Variants in USH1C observed in about 807,000 individuals in gnomAD.
USH1C encodes USH1 protein network component harmonin, also known as harmonin.
A neutral mutation model predicts 119.3 loss-of-function variants in USH1C; 90 were observed. The observed-to-expected ratio is 0.75, with a 90% CI of 0.64 to 0.90. The LOEUF is 0.90. Ranked by LOEUF, USH1C falls within the 40% of genes least tolerant of loss-of-function variation. The pLI, the probability that USH1C is intolerant of heterozygous loss-of-function variation, is 0.00. For missense variants in USH1C, 1,165 were observed against 1,167.7 expected, an observed-to-expected ratio of 1.00 and a Z score of 0.03; for synonymous variants, 465 against 443.3, an observed-to-expected ratio of 1.05 and a Z score of -0.62.
intron 9 of USH1C, 71 bp from the exon 10 acceptor site, chr11:17,523,549 C>A: frequency 1.4e-6 from 2 of 1,464,890 alleles, no homozygotes; most frequent in East Asian, 4.6e-5. Context: ...AGGACAGGCT[C>A]CCCCAGGGGC....
At chr11:17,523,044 C>T (rs571997469) in intron 11 of USH1C, 118 bp from the exon 12 acceptor site, 6 of 1,584,144 alleles carry the variant, frequency 3.8e-6, no homozygotes, top group Middle Eastern at 1.7e-4. Flanking sequence ...CTGCGGCTCC[C>T]GCAATCCCTG....
At chr11:17,509,966 ACC>A in intron 17 of USH1C, 128 bp from the exon 18 acceptor site, 1 of 1,183,132 alleles carries the variant, frequency 8.5e-7, no homozygotes, top group East Asian at 2.5e-5. Flanking sequence ...TTACATCAGA[ACC>A]ATGGGGCGCC....
At chr11:17,516,125 A>C in intron 15 of USH1C, 116 bp downstream of exon 15, 1 of 1,181,938 alleles carries the variant, frequency 8.5e-7, no homozygotes, top group Non-Finnish European at 1.2e-6. Context: ...TTAGCCTTCC[A>C]AGTGAACAGG....
In USH1C at chr11:17,512,032, G is replaced by A; in HGVS notation, c.1283C>T (p.Ala428Val). The A allele has an allele frequency of 6.2e-7, 1 of 1,614,122 alleles. No homozygotes were observed. Among genetic ancestry groups the A allele is most frequent in the Non-Finnish European group, 8.5e-7 (1 of 1,180,006 alleles). Residue 428 changes from alanine (A) to valine (V), a missense_variant, in exon 16 of 27, where the codon GCC becomes GTC. Transcript: ENST00000005226. ...CAAGTCCTGCAGGCTGCCATACTTG[G>A]CTTTCTTCTTATCTTTTCCTTTCTG... is the stretch of plus-strand genomic sequence containing the variant. Reference protein sequence around the residue: ...IRKKGKDKKKAKYGSLQDLRK... With the variant: ...IRKKGKDKKKVKYGSLQDLRK...
At chr11:17,522,973 G>A in intron 11 of USH1C, 47 bp from the exon 12 acceptor site, 1 of 1,599,008 alleles carries the variant, frequency 6.3e-7, no homozygotes, top group African/African-American at 1.3e-5. Flanking sequence ...GGGAACCTGG[G>A]GATCCCCTGA....
intron 1 of USH1C, among the ~76,000 whole-genome samples, chr11:17,534,806 G>A (rs886191340): frequency 3.3e-5 from 5 of 151,686 alleles, no homozygotes; most frequent in Admixed American, 3.3e-4. Flanking sequence ...CTCGGGAGGC[G>A]GAGGTTGCAG....
intron 25 of USH1C, 58 bp from the exon 26 acceptor site, chr11:17,495,735 G>C: frequency 1.3e-6 from 2 of 1,557,824 alleles, no homozygotes; most frequent in South Asian, 1.1e-5. Flanking sequence ...CCCAGGCAGA[G>C]CTCCATGGGG....
intron 1 of USH1C, among the ~76,000 whole-genome samples, chr11:17,539,115 C>T (rs183032604): frequency 1.4e-4 from 21 of 152,248 alleles, no homozygotes; most frequent in Admixed American, 3.3e-4. Context: ...GTGGACTCCT[C>T]CTCTATCTTT....
intron 23 of USH1C, among the ~76,000 whole-genome samples, chr11:17,498,578 G>A (rs1478668582): frequency 1.3e-5 from 2 of 152,192 alleles, no homozygotes; most frequent in East Asian, 1.9e-4. Context: ...TATGAGGCCT[G>A]AGTCAATTCT....
intron 14 of USH1C, among the ~76,000 whole-genome samples, chr11:17,519,099 G>C (rs3858490): frequency 0.2 from 30,991 of 152,044 alleles, 4,222 homozygotes; most frequent in African/African-American, 0.39. Flanking sequence ...CAAACTGGGT[G>C]CTGAGTTGAA....
In USH1C at chr11:17,526,780, A is replaced by C; in HGVS notation, c.552T>G (p.Tyr184Ter). 1 of 1,614,140 alleles carries C rather than the reference A, an allele frequency of 6.2e-7. No homozygotes were observed. Among genetic ancestry groups the C allele is most frequent in the Non-Finnish European group, 8.5e-7 (1 of 1,180,006 alleles). ...CAGATTCCGACACAAACTGATCCAC[A>C]TACTGCCAAGTGAGGGGCTCATCAG... ...SSPDEPLTWQ[Y>*]VDQFVSESGG... Residue 184 changes from tyrosine to a stop codon, truncating the protein, a stop_gained, in exon 7 of 27, where the codon TAT becomes TAG. Transcript: ENST00000005226. LOFTEE classifies it high-confidence loss of function.
At chr11:17,495,931 G>A (rs1382309466) in intron 25 of USH1C, among the ~76,000 whole-genome samples, 1 of 152,108 alleles carries the variant, frequency 6.6e-6, no homozygotes. Context: ...AGTGGTGGGT[G>A]GGTGAGGGCT....
At chr11:17,520,747 C>T (rs1307295193) in intron 14 of USH1C, 123 bp downstream of exon 14, 3 of 1,218,336 alleles carry the variant, frequency 2.5e-6, no homozygotes, top group Non-Finnish European at 3.6e-6. Context: ...AGCTGCCCCT[C>T]CATGAAGGAA....
At chr11:17,534,313 A>C (rs983041552) in intron 1 of USH1C, among the ~76,000 whole-genome samples, 5 of 152,240 alleles carry the variant, frequency 3.3e-5, no homozygotes, top group African/African-American at 1.2e-4. Flanking sequence ...GGGTTCTGGA[A>C]GACCGGGGCA....
chr11:17,495,356 C>T (rs1849207911), intron 26 of USH1C, among the ~76,000 whole-genome samples: 1 of 152,232 alleles, frequency 6.6e-6, no homozygotes, highest in African/African-American at 2.4e-5. Context: ...GCAAGTACTA[C>T]AGACTGGGCT....
chr11:17,501,983 G>C lies in USH1C; in HGVS notation c.2185-3C>G. ...CCTTCCTCATATTTCCGGAAATCCT[G>C]GAAGCAAAGGGAGGGCTTTAGGGCA... is the stretch of plus-strand genomic sequence containing the variant. On this transcript the variant is annotated splice_region_variant and splice_polypyrimidine_tract_variant and intron_variant, in intron 20 of 26. Transcript: ENST00000005226. 1.2e-6 allele frequency: 2 copies of C among 1,613,564 alleles called. No individual in the cohort carries two copies. The highest frequency in any genetic ancestry group is 1.7e-6 in the Non-Finnish European group (2 of 1,179,780).
chr11:17,533,370 C>CAA lies in USH1C; in HGVS notation c.37-49_37-48insTT, dbSNP rs374928611. The CAA allele has an allele frequency of 3.3e-3, 4,501 of 1,366,890 alleles. 125 individuals are homozygous for CAA. The African/African-American group carries it at 0.057, about 17-fold the overall frequency. The allele number at this position is 1,366,890 out of a possible 1,614,324, so 84.7% of individuals were successfully genotyped here. A position where few individuals can be genotyped will look rare whatever the true frequency, so the allele number is the denominator to read the frequency against. On this transcript the variant is annotated intron_variant, in intron 1 of 26. Transcript: ENST00000005226. ...CACAGCTCCAGGCTCAGCACCCGCC[C>CAA]CCATAGCAGACCTCAGGGAGGAGAG...
At chr11:17,526,880 A>G (rs1850705527) in intron 6 of USH1C, 70 bp from the exon 7 acceptor site, 1 of 1,594,160 alleles carries the variant, frequency 6.3e-7, no homozygotes, top group Non-Finnish European at 8.6e-7. Flanking sequence ...CCCCACATCC[A>G]GATCCACCAT....
intron 15 of USH1C, among the ~76,000 whole-genome samples, chr11:17,514,803 T>G (rs200265916): frequency 6.8e-6 from 1 of 148,080 alleles, no homozygotes; most frequent in Non-Finnish European, 1.5e-5. Context: ...AATTCTTTTT[T>G]TTTTTTTTTT....
Sources: allele counts gnomAD v4.1 joint callset (sites outside exome capture counted in the v4.1 genomes callset), GRCh38; gene constraint gnomAD v4.1.1; transcripts MANE v1.5; gene names NCBI Gene and HGNC (gene_info 2026-07-23, HGNC 2026-07-21).